The following NRXN2 variants were observed in gnomAD, a reference collection of about 807,000 sequenced individuals.
NRXN2 encodes neurexin-2-beta.
In NRXN2, 29 loss-of-function variants were observed where a neutral mutation model predicts 128.8. That is an observed-to-expected ratio of 0.23 (90% CI 0.17 to 0.31). NRXN2 has a LOEUF of 0.31. NRXN2 is among the 10% of genes least tolerant of loss of function. NRXN2 has a pLI of 1.00. For synonymous variants in NRXN2, 1,098 were observed against 1,075.2 expected, an observed-to-expected ratio of 1.02 and a Z score of -0.41; for missense variants, 1,881 against 2,452.6, an observed-to-expected ratio of 0.77 and a Z score of 4.92.
At chr11:64,609,342 C>T (rs894062812) in intron 22 of NRXN2, among the ~76,000 whole-genome samples, 6 of 151,620 alleles carry the variant, frequency 4.0e-5, no homozygotes, top group Admixed American at 3.9e-4. Context: ...AAAACAATAA[C>T]AAAACAACGG....
At chr11:64,610,118 G>A (rs1288825600) in intron 22 of NRXN2, among the ~76,000 whole-genome samples, 1 of 152,102 alleles carries the variant, frequency 6.6e-6, no homozygotes, top group Non-Finnish European at 1.5e-5. Flanking sequence ...CCAGCCTGTG[G>A]CCAAGACCTT....
intron 7 of NRXN2, among the ~76,000 whole-genome samples, chr11:64,671,254 A>T (rs2050590842): frequency 6.6e-6 from 1 of 152,112 alleles, no homozygotes; most frequent in Admixed American, 6.5e-5. Flanking sequence ...GGTGGGGAGT[A>T]GAGGGAGATA....
chr11:64,699,517 A>G (rs748183990), intron 2 of NRXN2, among the ~76,000 whole-genome samples: 13 of 123,936 alleles, frequency 1.0e-4, no homozygotes, highest in Non-Finnish European at 2.0e-4. Context: ...CGCAACCTCC[A>G]CCTCCCGGGT....
intron 2 of NRXN2, among the ~76,000 whole-genome samples, chr11:64,711,116 C>G (rs1241470741): frequency 6.6e-6 from 1 of 152,230 alleles, no homozygotes; most frequent in South Asian, 2.1e-4. Context: ...ACTTCCCACA[C>G]CCAGGGCCAC....
At chr11:64,682,895 G>A (rs949115526) in intron 6 of NRXN2, among the ~76,000 whole-genome samples, 1 of 152,156 alleles carries the variant, frequency 6.6e-6, no homozygotes, top group Admixed American at 6.5e-5. Context: ...GTCTCATCAG[G>A]TGCCCCTGGT....
Position 64,626,517 on chromosome 11 carries a change from G to C in NRXN2, c.3793C>G (p.Gln1265Glu). 1 of 1,614,140 alleles carries C rather than the reference G, an allele frequency of 6.2e-7. No homozygotes were observed. The highest frequency in any genetic ancestry group is 1.7e-5 in the Admixed American group (1 of 60,030). The stretch of plus-strand genomic sequence containing the variant: ...CGACCAAGCCGGTAGGGGATTCTCT[G>C]TCTAGCAATCGCCAGGCGCTCGTTA... ...FDNERLAIAR[Q>E]RIPYRLGRVV... is the part of the protein sequence containing the mutation. The change falls in exon 20 of 23, where the codon CAG becomes GAG. Residue 1265 changes from glutamine (Q) to glutamate (E), a missense_variant. Around this residue, in one of 7 missense-constraint regions of NRXN2, gnomAD observed 390 missense variants for 599.6 expected, o/e 0.65. Coordinates refer to ENST00000265459, the MANE Select transcript of NRXN2 (RefSeq NM_015080.4).
At chr11:64,705,266 G>A (rs1393717134) in intron 2 of NRXN2, among the ~76,000 whole-genome samples, 1 of 152,212 alleles carries the variant, frequency 6.6e-6, no homozygotes, top group East Asian at 1.9e-4. Flanking sequence ...GAGACAGGTA[G>A]GGAGCAACAG....
intron 5 of NRXN2, chr11:64,688,963 T>A (rs2053465657): frequency 3.8e-6 from 1 of 262,096 alleles, no homozygotes; most frequent in Admixed American, 6.5e-5. Flanking sequence ...GGAGAGGAAA[T>A]GTGATGTGAG....
chr11:64,639,913 C>A (rs10400348), intron 17 of NRXN2, among the ~76,000 whole-genome samples: 18,126 of 152,086 alleles, frequency 0.12, 1,418 homozygotes, highest in East Asian at 0.29. Context: ...TGTAGGGTCC[C>A]AAGAAGAGCC....
At chr11:64,641,309 G>A (rs2045629736) in intron 17 of NRXN2, among the ~76,000 whole-genome samples, 1 of 151,992 alleles carries the variant, frequency 6.6e-6, no homozygotes, top group Non-Finnish European at 1.5e-5. Context: ...GAGGTAATGG[G>A]GCTACCCTCT....
At chr11:64,712,880 C>T in intron 2 of NRXN2, 90 bp downstream of exon 2, 2 of 1,190,338 alleles carry the variant, frequency 1.7e-6, no homozygotes, top group Non-Finnish European at 2.3e-6. Flanking sequence ...CCCCGTGCCT[C>T]AGGAGCCCAC....
Position 64,690,395 on chromosome 11 carries a change from G to C in NRXN2, c.850+10C>G. On this transcript the variant is annotated intron_variant, in intron 5 of 22. Coordinates refer to ENST00000265459, the MANE Select transcript of NRXN2 (RefSeq NM_015080.4). ...GGCTGGGCTCTCTGGGGACCATGGG[G>C]GTCACTGACCTTTTGTTGGCTGGTG... 6.2e-7 allele frequency: 1 copy of C among 1,610,914 alleles called. No homozygotes were observed. Among genetic ancestry groups the C allele is most frequent in the Non-Finnish European group, 8.5e-7 (1 of 1,178,772 alleles).
intron 11 of NRXN2, among the ~76,000 whole-genome samples, chr11:64,656,670 TGGCCTGTCCTCTCCTCCCCTCCAGGG>T: frequency 6.6e-6 from 1 of 151,968 alleles, no homozygotes; most frequent in Non-Finnish European, 1.5e-5. Context: ...GTGCCCAGCC[TGGCCTGTCCTCTCCTCCCCTCCAGGG>T]AGGGGCCCAG....
In NRXN2 at chr11:64,690,817, G is replaced by A. The variant is rs553819269; in HGVS notation, c.779-341C>T. The stretch of plus-strand genomic sequence containing the variant: ...AACAGGCCAGCCCTCAGCACTGGAG[G>A]CCCCCAGTTCCCCCTTTCAACTGCT... On this transcript the variant is annotated intron_variant, in intron 4 of 22. Coordinates refer to ENST00000265459, the MANE Select transcript of NRXN2 (RefSeq NM_015080.4). 3.6e-4 allele frequency among the ~76,000 whole-genome samples: 54 copies of A among 152,092 alleles called. 2 individuals are homozygous for A. In the South Asian group the frequency reaches 9.8e-3, roughly 28 times the overall value.
Position 64,660,484 on chromosome 11 carries a change from G to A in NRXN2, c.2237C>T (p.Pro746Leu). Residue 746 changes from proline to leucine, a missense_variant, in exon 11 of 23, where the codon CCT becomes CTT. By Grantham distance (98) the Pro-to-Leu change is moderately conservative (BLOSUM62 -3). Around this residue, in one of 7 missense-constraint regions of NRXN2, gnomAD observed 997 missense variants for 1,240.8 expected, o/e 0.80. Coordinates refer to ENST00000265459, the MANE Select transcript of NRXN2 (RefSeq NM_015080.4). The surrounding 1 kb of genome is among the most constrained non-coding windows in gnomAD (Gnocchi z 5.2). ...DGSMYMKIMLPNAMHTEAEDV... is the reference protein window; with the variant it reads ...DGSMYMKIMLLNAMHTEAEDV... ...CTCTGCCTCCGTGTGCATGGCGTTA[G>A]GCAGCATGATCTTCATGTACATGGA... 1 of 1,614,204 alleles carries A rather than the reference G, an allele frequency of 6.2e-7. No homozygotes were observed. The highest frequency in any genetic ancestry group is 8.5e-7 in the Non-Finnish European group (1 of 1,180,036).
Position 64,653,779 on chromosome 11 carries a change from T to TG in NRXN2, c.2390-58_2390-57insC, listed in dbSNP as rs1420683799. 1.3e-5 allele frequency: 14 copies of TG among 1,106,902 alleles called. No individual in the cohort carries two copies. The East Asian group carries it at 3.2e-4, about 25-fold the overall frequency. The allele number at this position is 1,106,902 out of a possible 1,614,324, so 68.6% of individuals were successfully genotyped here. On this transcript the variant is annotated intron_variant, in intron 11 of 22. Coordinates refer to ENST00000265459, the MANE Select transcript of NRXN2 (RefSeq NM_015080.4). ...GGGGAGACAAAAAGGTAAAACAAGTTTTTTTTTTTTTTACATCCTTCACAG... is the reference window on the plus strand; with the variant it reads ...GGGGAGACAAAAAGGTAAAACAAGTTGTTTTTTTTTTTTACATCCTTCACAG...
At chr11:64,683,075 G>A (rs901836278) in intron 6 of NRXN2, among the ~76,000 whole-genome samples, 1 of 152,148 alleles carries the variant, frequency 6.6e-6, no homozygotes, top group African/African-American at 2.4e-5. Flanking sequence ...TTCTCAGAGA[G>A]GTCCTCCCCA....
At chr11:64,711,511 C>T (rs897321723) in intron 2 of NRXN2, among the ~76,000 whole-genome samples, 4 of 152,138 alleles carry the variant, frequency 2.6e-5, no homozygotes, top group Admixed American at 6.5e-5. Context: ...ACACCACAGC[C>T]CCGCCCCGGG....
At chr11:64,688,261 C>T (rs866878124) in intron 5 of NRXN2, 8 of 982,020 alleles carry the variant, frequency 8.1e-6, no homozygotes, top group South Asian at 4.7e-5. Context: ...TACTCTGGAG[C>T]CTGCGCCTCC....
Sources: allele counts gnomAD v4.1 joint callset (sites outside exome capture counted in the v4.1 genomes callset), GRCh38; gene constraint gnomAD v4.1.1; regional missense constraint gnomAD v4.1.1; non-coding constraint Gnocchi (gnomAD v3.1); transcripts MANE v1.5; gene names NCBI Gene and HGNC (gene_info 2026-07-23, HGNC 2026-07-21).